The following THBS3 variants were observed in gnomAD, a reference collection of about 807,000 sequenced individuals.
THBS3 encodes the protein thrombospondin 3, also known as thrombospondin-3.
Under a neutral mutation model 118.3 loss-of-function variants are expected in THBS3, and 78 were observed. The observed-to-expected ratio is 0.66, with a 90% CI of 0.55 to 0.80. The LOEUF (loss-of-function observed/expected upper bound fraction) is 0.80. Ranked by LOEUF, THBS3 falls within the 30% of genes least tolerant of loss-of-function variation. The pLI, the probability that THBS3 is intolerant of heterozygous loss-of-function variation, is 0.00. For synonymous variants in THBS3, 427 were observed against 475.3 expected, an observed-to-expected ratio of 0.90 and a Z score of 1.32; for missense variants, 1,057 against 1,247.4, an observed-to-expected ratio of 0.85 and a Z score of 2.30.
At chr1:155,205,642 G>T in intron 2 of THBS3, 1 of 320,800 alleles carries the variant, frequency 3.1e-6, no homozygotes, top group Non-Finnish European at 5.9e-6. Context: ...GCCAGGCATG[G>T]TGGTGGGCAC....
chr1:155,202,141 C>A lies in THBS3; in HGVS notation c.1099-107G>T, dbSNP rs943192778. ...TGTGAACATCAACATTAAGCCCAGA[C>A]CCAAAGCCGATGCAAAGCCATCCAT... On this transcript the variant is annotated intron_variant, in intron 9 of 22. Transcript: ENST00000368378. This position sits in a 1 kb window ranked among gnomAD's most constrained non-coding sequence, Gnocchi z 5.5. 6.2e-6 allele frequency: 10 copies of A among 1,601,196 alleles called. No homozygotes were observed. In the East Asian group the frequency reaches 2.0e-4, roughly 32 times the overall value.
At chr1:155,208,708 C>T (rs943000853), upstream of THBS3, 2 of 1,283,352 alleles carry the variant, frequency 1.6e-6, no homozygotes, top group South Asian at 3.2e-5. Flanking sequence ...CAAGCCCCAG[C>T]CCGGCCTCCG....
chr1:155,199,869 G>GACCT lies in THBS3; in HGVS notation c.1828-17_1828-14dup. ...TGTCTGCATCTGTCTGAGAGAGAGGGACCTGTTCTCACCATCTCCTCTTGA... is the reference window on the plus strand; with the variant it reads ...TGTCTGCATCTGTCTGAGAGAGAGGGACCTACCTGTTCTCACCATCTCCTCTTGA... On this transcript the variant is annotated splice_polypyrimidine_tract_variant and intron_variant, in intron 15 of 22. Coordinates refer to ENST00000368378, the MANE Select transcript of THBS3 (RefSeq NM_007112.5). 1 of 1,614,146 alleles carries GACCT rather than the reference G, an allele frequency of 6.2e-7. No individual in the cohort carries two copies. Among genetic ancestry groups the GACCT allele is most frequent in the Non-Finnish European group, 8.5e-7 (1 of 1,179,996 alleles).
chr1:155,198,983 G>C (rs1445288105), intron 16 of THBS3, among the ~76,000 whole-genome samples: 1 of 152,062 alleles, frequency 6.6e-6, no homozygotes, highest in Non-Finnish European at 1.5e-5. Context: ...AGCTGAGCTT[G>C]GTAGCACGCG....
chr1:155,201,391 C>T (rs940098586), intron 11 of THBS3, 26 bp downstream of exon 11: 1 of 1,578,112 alleles, frequency 6.3e-7, no homozygotes, highest in African/African-American at 1.3e-5. Context: ...CCTCCCTTTT[C>T]CTTCCACGCC....
At chr1:155,203,461 G>A (rs1670094823) in intron 5 of THBS3, 52 bp downstream of exon 5, 17 of 1,609,616 alleles carry the variant, frequency 1.1e-5, no homozygotes, top group Non-Finnish European at 1.4e-5. Context: ...AGCTGCCAGA[G>A]CCTGGGGCCT....
chr1:155,198,729 G>A (rs1669123372), intron 16 of THBS3, 127 bp from the exon 17 acceptor site: 2 of 870,570 alleles, frequency 2.3e-6, no homozygotes, highest in East Asian at 2.5e-5. Context: ...AGCCAGGTGA[G>A]GTGAAGGTCT....
chr1:155,203,385 C>T, intron 5 of THBS3, 80 bp from the exon 6 acceptor site: 1 of 1,582,622 alleles, frequency 6.3e-7, no homozygotes. Flanking sequence ...CCAGTACCTG[C>T]CACGGCTGCC....
intron 13 of THBS3, 138 bp downstream of exon 13, chr1:155,200,759 C>T: frequency 1.9e-6 from 3 of 1,570,756 alleles, no homozygotes; most frequent in Admixed American, 3.5e-5. Context: ...GCCTCCTTGT[C>T]CTGGGCACGA....
chr1:155,198,435 G>A lies in THBS3; in HGVS notation c.2048C>T (p.Pro683Leu). Residue 683 changes from proline (P) to leucine (L), a missense_variant, in exon 17 of 23, where the codon CCC becomes CTC. Physicochemically the swap from Pro to Leu is moderately conservative, Grantham distance 98. Transcript: ENST00000368378. ...PPGPDNCRLV[P>L]NPNQKDSDGN... The stretch of plus-strand genomic sequence containing the variant: ...ATCTGAGTCCTTCTGATTGGGATTG[G>A]GTACCAGGCGGCAGTTATCGGGACC... 1 of 1,614,112 alleles carries A rather than the reference G, an allele frequency of 6.2e-7. No individual in the cohort carries two copies. Among genetic ancestry groups the A allele is most frequent in the Non-Finnish European group, 8.5e-7 (1 of 1,180,016 alleles).
chr1:155,197,592 GTCA>G lies in THBS3; in HGVS notation c.2367_2369del (p.Asp790del). 1 of 1,563,008 alleles carries G rather than the reference GTCA, an allele frequency of 6.4e-7. No homozygotes were observed. Among genetic ancestry groups the G allele is most frequent in the Non-Finnish European group, 8.7e-7 (1 of 1,147,996 alleles). On this transcript the variant is annotated inframe_deletion, in exon 20 of 23. Transcript: ENST00000368378. This position sits in a 1 kb window ranked among gnomAD's most constrained non-coding sequence, Gnocchi z 5.0. ...GATAACTGAAGAGAAAGCCTGCGTA[GTCA>G]TCATCAGTCACTGTGTTCACATGGA...
At position 155,200,177 on chromosome 1, in the gene THBS3, T is replaced by C. The variant is rs1429458885; in HGVS notation, c.1709-64A>G. 5 of 1,429,678 alleles carry C rather than the reference T, an allele frequency of 3.5e-6. No individual in the cohort carries two copies. The East Asian group carries it at 6.9e-5, about 20-fold the overall frequency. The allele number at this position is 1,429,678 out of a possible 1,614,324, so 88.6% of individuals were successfully genotyped here. ...TGCCATATTCTCTCTTCTAGGTTGG[T>C]GAAAGTCCCGAACTTTGTCTCCCCA... is the stretch of plus-strand genomic sequence containing the variant. On this transcript the variant is annotated intron_variant, in intron 14 of 22. Transcript: ENST00000368378.
At chr1:155,203,840 C>T (rs962602964) in intron 4 of THBS3, among the ~76,000 whole-genome samples, 1 of 151,452 alleles carries the variant, frequency 6.6e-6, no homozygotes, top group African/African-American at 2.4e-5. Context: ...AGTATATCCC[C>T]ATTTTTTTTT....
chr1:155,199,706 G>C, intron 16 of THBS3, 98 bp downstream of exon 16: 1 of 1,338,738 alleles, frequency 7.5e-7, no homozygotes, highest in Non-Finnish European at 1.1e-6. Flanking sequence ...AGTGAGCCAA[G>C]ATCGTGCCAC....
chr1:155,204,889 A>G lies in THBS3; in HGVS notation c.612T>C (p.Cys204=). The G allele has an allele frequency of 6.2e-7, 1 of 1,613,944 alleles. No homozygotes were observed. The highest frequency in any genetic ancestry group is 1.1e-5 in the South Asian group (1 of 91,068). ...SMARVGALSE[C]PFQGDESIHS... is the part of the protein sequence containing the mutation. Reference sequence around the variant, plus strand: ...GGATGGACTCGTCCCCTTGGAATGGACACTCACTCAGGGCTCCTACCCGGG... The same window carrying G: ...GGATGGACTCGTCCCCTTGGAATGGGCACTCACTCAGGGCTCCTACCCGGG... Residue 204 remains cysteine, a synonymous_variant, in exon 4 of 23, where the codon TGT becomes TGC. Coordinates refer to ENST00000368378, the MANE Select transcript of THBS3 (RefSeq NM_007112.5).
At chr1:155,207,344 C>G (rs1332841066) in intron 1 of THBS3, among the ~76,000 whole-genome samples, 3 of 152,248 alleles carry the variant, frequency 2.0e-5, no homozygotes, top group African/African-American at 7.2e-5. Flanking sequence ...AGCTACCTCT[C>G]CCACATCCAT....
Position 155,202,732 on chromosome 1 carries a change from C to CATTTAT in THBS3, c.957+74_957+79dup. ...TCCAGATTCCTCTCCTCCGGACCAG[C>CATTTAT]ATTTATCCCACCCTCTTGGGTGCCT... On this transcript the variant is annotated intron_variant, in intron 8 of 22. Transcript: ENST00000368378. The surrounding 1 kb of genome is among the most constrained non-coding windows in gnomAD (Gnocchi z 5.5). The CATTTAT allele has an allele frequency of 6.5e-7, 1 of 1,530,860 alleles. No individual in the cohort carries two copies. The highest frequency in any genetic ancestry group is 1.3e-5 in the South Asian group (1 of 78,238). 94.8% of individuals were successfully genotyped at this position (1,530,860 alleles called of 1,614,324 possible). A position where few individuals can be genotyped will look rare whatever the true frequency, so the allele number is the denominator to read the frequency against.
Position 155,202,856 on chromosome 1 carries a change from G to C in THBS3, c.913C>G (p.Pro305Ala), listed in dbSNP as rs750515739. 3 of 1,613,660 alleles carry C rather than the reference G, an allele frequency of 1.9e-6. No homozygotes were observed. The highest frequency in any genetic ancestry group is 2.5e-6 in the Non-Finnish European group (3 of 1,180,018). Residue 305 changes from proline to alanine, a missense_variant, in exon 8 of 23, where the codon CCT becomes GCT. Physicochemically the swap from Pro to Ala is conservative, Grantham distance 27 (BLOSUM62 -1). Transcript: ENST00000368378. The surrounding 1 kb of genome is among the most constrained non-coding windows in gnomAD (Gnocchi z 5.5). ...YPGYRCGPCP[P>A]GLQGNGTHCS... ...TGGGTGCCGTTGCCCTGCAGGCCAG[G>C]GGGGCAGGGCCCACAGCGGTAGCCT... is the stretch of plus-strand genomic sequence containing the variant.
At chr1:155,203,345 A>G (rs1670077258) in intron 5 of THBS3, 40 bp from the exon 6 acceptor site, 2 of 1,606,606 alleles carry the variant, frequency 1.2e-6, no homozygotes, top group African/African-American at 1.3e-5. Context: ...GTACTGGAGC[A>G]CCAGTCCTGG....
Sources: gnomAD v4.1 joint callset for allele counts (sites outside exome capture counted in the v4.1 genomes callset) on GRCh38, gnomAD v4.1.1 for gene constraint, Gnocchi (gnomAD v3.1) non-coding constraint, MANE v1.5 for transcripts, NCBI Gene and HGNC (gene_info 2026-07-23, HGNC 2026-07-21) for gene names.